The following SHISA9 variants were observed in gnomAD, a reference collection of about 807,000 sequenced individuals.
The protein encoded by SHISA9 is shisa family member 9, also known as protein shisa-9.
In SHISA9, 13 loss-of-function variants were observed where a neutral mutation model predicts 38.0. That is an observed-to-expected ratio of 0.34 (90% CI 0.22 to 0.54). The LOEUF (loss-of-function observed/expected upper bound fraction) is 0.54. SHISA9 is among the 20% of genes least tolerant of loss of function. The pLI is 0.91. For missense variants in SHISA9, 538 were observed against 575.8 expected (o/e 0.93, Z 0.67); for synonymous variants, 275 against 242.0 (o/e 1.14, Z -1.27).
At chr16:13,068,604 C>T (rs560396158) in intron 2 of SHISA9, among the ~76,000 whole-genome samples, 4 of 152,324 alleles carry the variant, frequency 2.6e-5, no homozygotes, top group Admixed American at 6.5e-5. Context: ...CGTAAACAAA[C>T]GTGATTCTGA....
chr16:13,341,856 C>T, the SHISA9 span, among the ~76,000 whole-genome samples: 1 of 152,204 alleles, frequency 6.6e-6, no homozygotes, highest in Non-Finnish European at 1.5e-5. Context: ...GTATCTCAGT[C>T]TGCATGTCTC....
intron 2 of SHISA9, among the ~76,000 whole-genome samples, chr16:12,960,598 G>C (rs1057071911): frequency 5.3e-5 from 8 of 152,212 alleles, no homozygotes; most frequent in Admixed American, 5.2e-4. Flanking sequence ...AAAAGGGAAT[G>C]AGATCATGTC....
the SHISA9 span, among the ~76,000 whole-genome samples, chr16:13,321,997 C>T: frequency 1.2e-4 from 18 of 152,304 alleles, no homozygotes; most frequent in African/African-American, 3.6e-4. Context: ...GCTCACTAAA[C>T]GACACAATAA....
chr16:13,397,747 C>T, the SHISA9 span, among the ~76,000 whole-genome samples: 62,038 of 151,946 alleles, frequency 0.41, 14,158 homozygotes, highest in African/African-American at 0.64. Flanking sequence ...GTGTGCTCTT[C>T]TAGTTTAGCC....
At chr16:13,275,002 A>G in the SHISA9 span, among the ~76,000 whole-genome samples, 1 of 152,152 alleles carries the variant, frequency 6.6e-6, no homozygotes, top group Non-Finnish European at 1.5e-5. Flanking sequence ...GTCACTCACT[A>G]TCAAGTCTAA....
the SHISA9 span, among the ~76,000 whole-genome samples, chr16:13,532,073 G>A: frequency 1.3e-5 from 2 of 152,132 alleles, no homozygotes; most frequent in Admixed American, 6.5e-5. Context: ...CCCTTCCAGG[G>A]TTTCATTTCA....
At chr16:13,285,462 G>GTTTTT in the SHISA9 span, among the ~76,000 whole-genome samples, 15 of 95,786 alleles carry the variant, frequency 1.6e-4, no homozygotes, top group African/African-American at 5.5e-4. Context: ...TTCAGGTGTA[G>GTTTTT]TTTTTTTTTT....
At chr16:13,434,043 C>T in the SHISA9 span, among the ~76,000 whole-genome samples, 2 of 152,304 alleles carry the variant, frequency 1.3e-5, no homozygotes, top group Admixed American at 6.5e-5. Flanking sequence ...AGTCCCAAAA[C>T]CTCAAAAGTA....
chr16:13,310,524 A>G, the SHISA9 span, among the ~76,000 whole-genome samples: 1 of 152,140 alleles, frequency 6.6e-6, no homozygotes, highest in Non-Finnish European at 1.5e-5. Flanking sequence ...TAATAGGGGC[A>G]TTCTAAGTCA....
At chr16:13,360,267 C>G in the SHISA9 span, among the ~76,000 whole-genome samples, 3 of 152,260 alleles carry the variant, frequency 2.0e-5, no homozygotes, top group East Asian at 5.8e-4. Context: ...AGCTGATGCT[C>G]ACTGACGGTG....
intron 1 of SHISA9, among the ~76,000 whole-genome samples, chr16:12,905,245 G>A (rs2071077438): frequency 6.6e-6 from 1 of 152,168 alleles, no homozygotes; most frequent in African/African-American, 2.4e-5. Context: ...CTCAGGTGAG[G>A]TGCTGTGTCC....
the SHISA9 span, among the ~76,000 whole-genome samples, chr16:13,431,412 C>A: frequency 6.6e-6 from 1 of 151,978 alleles, no homozygotes; most frequent in South Asian, 2.1e-4. Flanking sequence ...GAAATTTCCA[C>A]TGAACTCAAA....
At chr16:13,119,103 G>C (rs2074060336) in intron 2 of SHISA9, among the ~76,000 whole-genome samples, 1 of 152,096 alleles carries the variant, frequency 6.6e-6, no homozygotes, top group Non-Finnish European at 1.5e-5. Flanking sequence ...TCTGACCTCA[G>C]GTGATCCGCC....
the SHISA9 span, among the ~76,000 whole-genome samples, chr16:13,465,575 G>A: frequency 6.6e-6 from 1 of 152,308 alleles, no homozygotes; most frequent in Non-Finnish European, 1.5e-5. Flanking sequence ...ATATCAAATG[G>A]TACCTGTTGT....
chr16:13,433,521 A>T, the SHISA9 span, among the ~76,000 whole-genome samples: 3 of 90,498 alleles, frequency 3.3e-5, no homozygotes, highest in Non-Finnish European at 6.9e-5. Context: ...TGGGTGAAGA[A>T]AGAGGTCAGA....
At chr16:13,465,619 C>T in the SHISA9 span, among the ~76,000 whole-genome samples, 3 of 152,140 alleles carry the variant, frequency 2.0e-5, no homozygotes, top group African/African-American at 7.2e-5. Flanking sequence ...GGGAAGGATG[C>T]TAGGGAGAAA....
At chr16:13,009,861 A>C (rs1356454303) in intron 2 of SHISA9, among the ~76,000 whole-genome samples, 1 of 152,154 alleles carries the variant, frequency 6.6e-6, no homozygotes, top group East Asian at 1.9e-4. Flanking sequence ...GGGGCTTGGC[A>C]TGGCCTGTTT....
rs2072527649 is a variant in SHISA9 at position 13,001,686 on chromosome 16, T to C, written c.691+84871T>C. On this transcript the variant is annotated intron_variant, in intron 2 of 4. Transcript: ENST00000558583. ...TTAACTCAAACTCATAAAATAGTAT[T>C]CCTAAGATTTGTGTCTTACATTCTA... Among the ~76,000 whole-genome samples, 4 of 152,356 alleles carry C rather than the reference T, an allele frequency of 2.6e-5. No homozygotes were observed. The South Asian group carries it at 8.3e-4, about 32-fold the overall frequency.
At chr16:13,127,417 G>A (rs1339104954) in intron 2 of SHISA9, among the ~76,000 whole-genome samples, 3 of 143,388 alleles carry the variant, frequency 2.1e-5, no homozygotes, top group Non-Finnish European at 4.6e-5. Flanking sequence ...GGAGACAGAG[G>A]AGGAGGGAGA....
Sources: gnomAD v4.1 joint callset for allele counts (sites outside exome capture counted in the v4.1 genomes callset) on GRCh38, gnomAD v4.1.1 for gene constraint, MANE v1.5 for transcripts, NCBI Gene and HGNC (gene_info 2026-07-23, HGNC 2026-07-21) for gene names.